The following IQGAP3 variants were observed in gnomAD, a reference collection of about 807,000 sequenced individuals.
IQGAP3 encodes IQ motif containing GTPase activating protein 3, also known as ras GTPase-activating-like protein IQGAP3.
A neutral mutation model predicts 208.2 loss-of-function variants in IQGAP3; 165 were observed. That is an observed-to-expected ratio of 0.79 (90% CI 0.70 to 0.90). The LOEUF is 0.90. Among genes scored for constraint, IQGAP3 ranks in the 40% least tolerant of loss-of-function variants. IQGAP3 has a pLI of 0.00. For synonymous variants in IQGAP3, 703 were observed against 803.6 expected, an observed-to-expected ratio of 0.87 and a Z score of 2.12; for missense variants, 1,811 against 2,043.1, an observed-to-expected ratio of 0.89 and a Z score of 2.19.
Position 156,548,104 on chromosome 1 carries a change from C to G in IQGAP3, c.2273G>C (p.Arg758Thr). The G allele has an allele frequency of 6.2e-7, 1 of 1,613,704 alleles. No homozygotes were observed. Among genetic ancestry groups the G allele is most frequent in the Non-Finnish European group, 8.5e-7 (1 of 1,179,792 alleles). Reference sequence around the variant, plus strand: ...CTTGATGACTGCTGGGAGCCAGGTCCTCAGAAAGTGGGAATGCTCAGCAAA... The same window carrying G: ...CTTGATGACTGCTGGGAGCCAGGTCGTCAGAAAGTGGGAATGCTCAGCAAA... The part of the protein sequence containing the change: ...QKFAEHSHFL[R>T]TWLPAVIKIQ... The change falls in exon 19 of 38, where the codon AGG (arginine) becomes ACG (threonine). Residue 758 changes from arginine to threonine, a missense_variant. By Grantham distance (71) the Arg-to-Thr change is moderately conservative (BLOSUM62 -1). Coordinates refer to ENST00000361170, the MANE Select transcript of IQGAP3 (RefSeq NM_178229.5).
intron 22 of IQGAP3, among the ~76,000 whole-genome samples, chr1:156,542,286 C>T (rs1171572): frequency 0.26 from 40,254 of 152,016 alleles, 6,035 homozygotes; most frequent in East Asian, 0.55. Flanking sequence ...GCTTCCTGGG[C>T]TCAAGAGATT....
In IQGAP3 at chr1:156,563,678, C is replaced by T. The variant is rs1213912341; in HGVS notation, c.506-12G>A. ...GCTGAGTTCCTCAGCTGCAATGATG[C>T]CACAGGTGCCCTTCATCAGGCCCAG... On this transcript the variant is annotated splice_polypyrimidine_tract_variant and intron_variant, in intron 6 of 37. Transcript: ENST00000361170. 1.6e-5 allele frequency: 26 copies of T among 1,610,482 alleles called. No homozygotes were observed. The highest frequency in any genetic ancestry group is 2.0e-5 in the Non-Finnish European group (24 of 1,177,852).
At position 156,531,197 on chromosome 1, in the gene IQGAP3, AG is replaced by A. The variant is rs1477139464; in HGVS notation, c.4153del (p.Leu1385SerfsTer20). ...AGCCGAGAGGGACAGGATCTCCTTG[AG>A]GGTGTCCCCAGGATGGAACTGTATG... is the stretch of plus-strand genomic sequence containing the variant. ...DIIQFHPGDT[L>X]KEILSLSASR... On this transcript the variant is annotated frameshift_variant, in exon 33 of 38. Coordinates refer to ENST00000361170, the MANE Select transcript of IQGAP3 (RefSeq NM_178229.5). LOFTEE classifies it high-confidence loss of function. The A allele has an allele frequency of 1.2e-6, 2 of 1,613,868 alleles. No individual in the cohort carries two copies. Among genetic ancestry groups the A allele is most frequent in the Non-Finnish European group, 1.7e-6 (2 of 1,179,868 alleles).
In IQGAP3 at chr1:156,563,569, C is replaced by CGAG; in HGVS notation, c.600_602dup (p.Ser201dup). 6.2e-7 allele frequency: 1 copy of CGAG among 1,613,640 alleles called. No individual in the cohort carries two copies. The highest frequency in any genetic ancestry group is 8.5e-7 in the Non-Finnish European group (1 of 1,179,814). On this transcript the variant is annotated inframe_insertion, in exon 7 of 38. Coordinates refer to ENST00000361170, the MANE Select transcript of IQGAP3 (RefSeq NM_178229.5). ...AGTCCTTACCTGCAGCCTCATCCACCGAGAGCTCATTGGCCAAGATGCCCC... is the reference window on the plus strand; with the variant it reads ...AGTCCTTACCTGCAGCCTCATCCACCGAGGAGAGCTCATTGGCCAAGATGCCCC...
At chr1:156,545,359 C>T (rs1675190360) in intron 19 of IQGAP3, among the ~76,000 whole-genome samples, 1 of 152,196 alleles carries the variant, frequency 6.6e-6, no homozygotes, top group African/African-American at 2.4e-5. Context: ...TGACCCAACA[C>T]TCCCTATTTG....
Position 156,526,615 on chromosome 1 carries a change from C to G in IQGAP3, c.4783-16G>C. The stretch of plus-strand genomic sequence containing the variant: ...GCAGGAGATCCTAGGAGGGAAGAGG[C>G]AGGGAGGGGAGTTTAAGGGCTTCTG... On this transcript the variant is annotated splice_polypyrimidine_tract_variant and intron_variant, in intron 37 of 37. Coordinates refer to ENST00000361170, the MANE Select transcript of IQGAP3 (RefSeq NM_178229.5). The G allele has an allele frequency of 6.3e-7, 1 of 1,580,000 alleles. No individual in the cohort carries two copies. The highest frequency in any genetic ancestry group is 8.7e-7 in the Non-Finnish European group (1 of 1,149,268).
At chr1:156,546,118 T>C (rs1293910316) in intron 19 of IQGAP3, among the ~76,000 whole-genome samples, 2 of 152,114 alleles carry the variant, frequency 1.3e-5, no homozygotes, top group African/African-American at 4.8e-5. Flanking sequence ...ACTGGAAAGT[T>C]GCTGTGGGAA....
intron 2 of IQGAP3, 66 bp downstream of exon 2, chr1:156,569,310 A>G (rs1676535305): frequency 1.0e-6 from 1 of 1,001,362 alleles, no homozygotes; most frequent in African/African-American, 1.6e-5. Context: ...CTTTAGCGGC[A>G]GATGCCTAGG....
At chr1:156,547,322 G>A (rs1215252727) in intron 19 of IQGAP3, among the ~76,000 whole-genome samples, 4 of 151,642 alleles carry the variant, frequency 2.6e-5, no homozygotes, top group African/African-American at 7.3e-5. Context: ...CCACTTCTTC[G>A]AGCCCTCCTA....
Position 156,569,420 on chromosome 1 carries a change from C to T in IQGAP3, c.81G>A (p.Gln27=), listed in dbSNP as rs759582470. The change falls in exon 2 of 38, where the codon CAG becomes CAA. Residue 27 remains glutamine, a synonymous_variant. Coordinates refer to ENST00000361170, the MANE Select transcript of IQGAP3 (RefSeq NM_178229.5). ...TAEEMDEQRR[Q]NVAYQYLCRL... ...GGCACAGGTACTGATAGGCAACATT[C>T]TGCCGCCTCTGCTCATCCATCTCCT... 5 of 1,613,042 alleles carry T rather than the reference C, an allele frequency of 3.1e-6. No homozygotes were observed. Among genetic ancestry groups the T allele is most frequent in the Non-Finnish European group, 4.2e-6 (5 of 1,179,582 alleles).
Position 156,562,576 on chromosome 1 carries a change from A to G in IQGAP3, c.877+11T>C. The stretch of plus-strand genomic sequence containing the variant: ...GTCACCCCCAAACCACTCCTGCTCG[A>G]GGTCTCTTACCGTTGACATGGTTGA... On this transcript the variant is annotated intron_variant, in intron 9 of 37. Transcript: ENST00000361170. 6.2e-7 allele frequency: 1 copy of G among 1,611,962 alleles called. No individual in the cohort carries two copies. Among genetic ancestry groups the G allele is most frequent in the East Asian group, 2.2e-5 (1 of 44,872 alleles).
At chr1:156,559,364 G>T (rs1406386057) in intron 11 of IQGAP3, among the ~76,000 whole-genome samples, 1 of 152,218 alleles carries the variant, frequency 6.6e-6, no homozygotes, top group Non-Finnish European at 1.5e-5. Flanking sequence ...AGCTTAAAAG[G>T]GGCTGTGGTG....
intron 37 of IQGAP3, among the ~76,000 whole-genome samples, chr1:156,527,147 C>T (rs1674118699): frequency 6.6e-6 from 1 of 150,892 alleles, no homozygotes; most frequent in African/African-American, 2.4e-5. Context: ...ATTTTTCTTA[C>T]TCAAAAGGTA....
intron 19 of IQGAP3, among the ~76,000 whole-genome samples, chr1:156,547,388 G>GACACACAGAC (rs1675301201): frequency 6.8e-6 from 1 of 147,330 alleles, no homozygotes; most frequent in African/African-American, 2.5e-5. Flanking sequence ...CAGACACACA[G>GACACACAGAC]ACACACACAC....
At chr1:156,540,093 G>C (rs1019097254) in intron 23 of IQGAP3, 103 bp from the exon 24 acceptor site, 1 of 1,346,114 alleles carries the variant, frequency 7.4e-7, no homozygotes, top group Non-Finnish European at 1.0e-6. Context: ...GCTTTCTGCT[G>C]TTCAAGGAAC....
chr1:156,542,227 T>C (rs1308715680), intron 22 of IQGAP3, among the ~76,000 whole-genome samples: 3 of 152,192 alleles, frequency 2.0e-5, no homozygotes, highest in South Asian at 2.1e-4. Context: ...TCTCGCTCTG[T>C]TGTCCAGGTT....
intron 36 of IQGAP3, 90 bp downstream of exon 36, chr1:156,528,419 C>T: frequency 4.5e-6 from 4 of 894,626 alleles, no homozygotes; most frequent in Non-Finnish European, 7.2e-6. Flanking sequence ...GACCATGCTT[C>T]TTCTCTTCCA....
At position 156,563,322 on chromosome 1, in the gene IQGAP3, G is replaced by A. The variant is rs541371622; in HGVS notation, c.620-10C>T. 1.5e-5 allele frequency: 23 copies of A among 1,579,234 alleles called. No homozygotes were observed. The East Asian group carries it at 4.8e-4, about 33-fold the overall frequency. On this transcript the variant is annotated splice_polypyrimidine_tract_variant and intron_variant, in intron 7 of 37. Coordinates refer to ENST00000361170, the MANE Select transcript of IQGAP3 (RefSeq NM_178229.5). ...AGAACAGCTGCATGGACTGGGAGAG[G>A]GCATGGAAACAAGGTCAGGAGGCCA...
intron 1 of IQGAP3, among the ~76,000 whole-genome samples, chr1:156,569,921 G>A (rs1676572216): frequency 6.6e-6 from 1 of 152,016 alleles, no homozygotes; most frequent in Admixed American, 6.5e-5. Flanking sequence ...CCTTTAATAG[G>A]CAGCCTCCTC....
Sources: allele counts gnomAD v4.1 joint callset (sites outside exome capture counted in the v4.1 genomes callset), GRCh38; gene constraint gnomAD v4.1.1; transcripts MANE v1.5; gene names NCBI Gene and HGNC (gene_info 2026-07-23, HGNC 2026-07-21).